MYBBP1A: variants seen among roughly 807,000 people sequenced by gnomAD.
MYBBP1A encodes the protein myb-binding protein 1A.
A neutral mutation model predicts 136.3 loss-of-function variants in MYBBP1A; 147 were observed. The ratio of observed to expected loss-of-function variants is 1.08; its 90% CI spans 0.94 to 1.24. The LOEUF (loss-of-function observed/expected upper bound fraction) is 1.24, where lower values mean the gene tolerates loss of function less well. MYBBP1A is among the 50% of genes most tolerant of loss of function. MYBBP1A has a pLI of 0.00. For synonymous variants in MYBBP1A, 947 were observed against 735.8 expected, an observed-to-expected ratio of 1.29 and a Z score of -4.65; for missense variants, 2,060 against 1,727.4, an observed-to-expected ratio of 1.19 and a Z score of -3.41.
At chr17:4,555,043 T>A (rs1413532104) in intron 1 of MYBBP1A, 84 bp downstream of exon 1, 1 of 1,586,126 alleles carries the variant, frequency 6.3e-7, no homozygotes, top group African/African-American at 1.3e-5. Flanking sequence ...CGCGACCACG[T>A]GCCCCCAGTC....
chr17:4,552,033 C>T lies in MYBBP1A; in HGVS notation c.906-36G>A. On this transcript the variant is annotated intron_variant, in intron 7 of 25. Coordinates refer to ENST00000254718, the MANE Select transcript of MYBBP1A (RefSeq NM_014520.4). This position sits in a 1 kb window ranked among gnomAD's most constrained non-coding sequence, Gnocchi z 4.7. ...TGCAGGACAGAGCCTGGTCAGAGCC[C>T]TTGGTGCCCCTGGTGGGAACCTCAG... 3.8e-6 allele frequency: 6 copies of T among 1,595,682 alleles called. No individual in the cohort carries two copies. Among genetic ancestry groups the T allele is most frequent in the Non-Finnish European group, 5.1e-6 (6 of 1,168,166 alleles).
intron 24 of MYBBP1A, among the ~76,000 whole-genome samples, chr17:4,540,818 C>T (rs1044397963): frequency 2.6e-5 from 4 of 151,882 alleles, no homozygotes; most frequent in Non-Finnish European, 5.9e-5. Flanking sequence ...CGCTTCCCCA[C>T]CCAACCCTGC....
intron 4 of MYBBP1A, 32 bp from the exon 5 acceptor site, chr17:4,553,949 C>T: frequency 6.2e-7 from 1 of 1,613,188 alleles, no homozygotes; most frequent in Non-Finnish European, 8.5e-7. Context: ...AGGGTATGAG[C>T]AGGGCACACG....
chr17:4,549,263 G>A (rs1907286017), intron 10 of MYBBP1A, 69 bp downstream of exon 10: 7 of 1,377,826 alleles, frequency 5.1e-6, no homozygotes, highest in African/African-American at 2.8e-5. Flanking sequence ...TGCAAACTAG[G>A]ACGAGTTAAG....
rs80113376 is a variant in MYBBP1A, at chr17:4,553,344, C to T, written c.561+466G>A. 2.4e-3 allele frequency among the ~76,000 whole-genome samples: 360 copies of T among 152,336 alleles called. 1 individual carries two copies. The highest frequency in any genetic ancestry group is 8.5e-3 in the African/African-American group (353 of 41,574). The stretch of plus-strand genomic sequence containing the variant: ...ACCTTCCCAAGTAGGGCAGTGGAGG[C>T]CCACAAGGGGCCAGCCTTGACCAGG... On this transcript the variant is annotated intron_variant, in intron 5 of 25. Transcript: ENST00000254718.
intron 8 of MYBBP1A, among the ~76,000 whole-genome samples, chr17:4,551,392 A>C (rs1907488607): frequency 6.6e-6 from 1 of 152,246 alleles, no homozygotes; most frequent in East Asian, 1.9e-4. Flanking sequence ...GCCTGCTGGC[A>C]GAAGGGCCTG....
chr17:4,544,994 C>CGGGGGG, intron 17 of MYBBP1A, 32 bp downstream of exon 17: 1 of 1,425,352 alleles, frequency 7.0e-7, no homozygotes, highest in Non-Finnish European at 9.3e-7. Flanking sequence ...GAGCCCTCCC[C>CGGGGGG]GGCCGCCCCC....
chr17:4,546,410 C>A lies in MYBBP1A; in HGVS notation c.1825-468G>T, dbSNP rs1296506456. On this transcript the variant is annotated intron_variant, in intron 13 of 25. Transcript: ENST00000254718. ...AAAGTGCTGGGATTGCAGGTGTGAGCCCCCGCGCCCAGCTAGCTGACGGCT... is the reference window on the plus strand; with the variant it reads ...AAAGTGCTGGGATTGCAGGTGTGAGACCCCGCGCCCAGCTAGCTGACGGCT... 3.9e-5 allele frequency among the ~76,000 whole-genome samples: 6 copies of A among 152,122 alleles called. No homozygotes were observed. The South Asian group carries it at 1.2e-3, about 32-fold the overall frequency.
At position 4,553,919 on chromosome 17, in the gene MYBBP1A, T is replaced by C; in HGVS notation, c.454-2A>G. ...CGACTTCATCAGTGCCTCCTGGTCC[T>C]GGTCCCCACAGAGGGACAGAGGGTA... On this transcript the variant is annotated splice_acceptor_variant, in intron 4 of 25. Coordinates refer to ENST00000254718, the MANE Select transcript of MYBBP1A (RefSeq NM_014520.4). LOFTEE classifies it high-confidence loss of function. 1 of 1,614,056 alleles carries C rather than the reference T, an allele frequency of 6.2e-7. No individual in the cohort carries two copies. Among genetic ancestry groups the C allele is most frequent in the East Asian group, 2.2e-5 (1 of 44,882 alleles).
intron 5 of MYBBP1A, among the ~76,000 whole-genome samples, chr17:4,553,424 C>A (rs1303069945): frequency 6.6e-6 from 1 of 152,266 alleles, no homozygotes; most frequent in African/African-American, 2.4e-5. Context: ...AGTTCCAGAG[C>A]TGCACTGCCC....
At chr17:4,551,824 G>A in intron 8 of MYBBP1A, 56 bp downstream of exon 8, 1 of 1,517,178 alleles carries the variant, frequency 6.6e-7, no homozygotes, top group Non-Finnish European at 9.1e-7. Context: ...TTTTTGGCAG[G>A]GAGAGCTCCA....
In MYBBP1A at chr17:4,543,038, G is replaced by C. The variant is rs547345127; in HGVS notation, c.2767C>G (p.His923Asp). The change falls in exon 20 of 26, where the codon CAC (histidine) becomes GAC (aspartate). Residue 923 changes from histidine (H) to aspartate (D), a missense_variant. Coordinates refer to ENST00000254718, the MANE Select transcript of MYBBP1A (RefSeq NM_014520.4). Reference protein sequence around the residue: ...RQPDSPTALYHFNASLYLLRV... With the variant: ...RQPDSPTALYDFNASLYLLRV... ...AGCAGGTAGAGAGAGGCGTTGAAGT[G>C]GTAGAGGGCGGTGGGGGAGTCGGGC... 30 of 1,613,718 alleles carry C rather than the reference G, an allele frequency of 1.9e-5. No homozygotes were observed. The South Asian group carries it at 3.3e-4, about 18-fold the overall frequency.
intron 22 of MYBBP1A, 44 bp from the exon 23 acceptor site, chr17:4,541,935 G>A: frequency 6.6e-7 from 1 of 1,526,586 alleles, no homozygotes; most frequent in Non-Finnish European, 9.0e-7. Context: ...TGGCACGTTG[G>A]GTGCTCACGG....
chr17:4,545,737 T>G lies in MYBBP1A; in HGVS notation c.1946A>C (p.Glu649Ala), dbSNP rs1017058640. The change falls in exon 15 of 26, where the codon GAG becomes GCG. Residue 649 changes from glutamate (E) to alanine (A), a missense_variant. Glu to Ala is a moderately radical substitution (Grantham distance 107). Coordinates refer to ENST00000254718, the MANE Select transcript of MYBBP1A (RefSeq NM_014520.4). ...GGCCAGCAAGATCTCCACCAGCACCTCTACCCACGGGGGTTCCTGGGGGTC... is the reference window on the plus strand; with the variant it reads ...GGCCAGCAAGATCTCCACCAGCACCGCTACCCACGGGGGTTCCTGGGGGTC... ...TIDPQEPPWV[E>A]VLVEILLALL... 3 of 1,608,436 alleles carry G rather than the reference T, an allele frequency of 1.9e-6. No homozygotes were observed. The highest frequency in any genetic ancestry group is 2.2e-5 in the South Asian group (2 of 90,668).
chr17:4,539,344 TAAAAAA>T lies in MYBBP1A; in HGVS notation c.*65_*70del, dbSNP rs372363229. On this transcript the variant is annotated 3_prime_UTR_variant, in exon 26 of 26. Coordinates refer to ENST00000254718, the MANE Select transcript of MYBBP1A (RefSeq NM_014520.4). ...CAGCTTGCGTATTAAAATCATGGTT[TAAAAAA>T]AAAAAAAAAAAATAGGCGTCTCAGG... The T allele has an allele frequency of 6.8e-5, 95 of 1,402,348 alleles. 1 individual carries two copies. The South Asian group carries it at 9.7e-4, about 14-fold the overall frequency. The allele number at this position is 1,402,348 out of a possible 1,614,324, so 86.9% of individuals were successfully genotyped here. A position where few individuals can be genotyped will look rare whatever the true frequency, so the allele number is the denominator to read the frequency against.
chr17:4,539,836 C>A lies in MYBBP1A; in HGVS notation c.3566G>T (p.Gly1189Val). Reference sequence around the variant, plus strand: ...AGGTGTGCCATCCTCCGCTGGCGTGCCATCCTCTGACTTGCGTTTCTTGCG... The same window carrying A: ...AGGTGTGCCATCCTCCGCTGGCGTGACATCCTCTGACTTGCGTTTCTTGCG... ...KKRKKRKSED[G>V]TPAEDGTPAA... Residue 1189 changes from glycine to valine, a missense_variant, in exon 26 of 26, where the codon GGC (glycine) becomes GTC (valine). By Grantham distance (109) the Gly-to-Val change is moderately radical. Transcript: ENST00000254718. The A allele has an allele frequency of 6.2e-7, 1 of 1,609,954 alleles. No homozygotes were observed.
At position 4,542,510 on chromosome 17, in the gene MYBBP1A, G is replaced by C. The variant is rs1241221242; in HGVS notation, c.3041C>G (p.Pro1014Arg). 1 of 1,612,338 alleles carries C rather than the reference G, an allele frequency of 6.2e-7. No individual in the cohort carries two copies. Among genetic ancestry groups the C allele is most frequent in the African/African-American group, 1.3e-5 (1 of 74,898 alleles). ...GCCCGTGATATGCTGGACCAGGATG[G>C]GGAGCAGGCTCTGACAGAGCACCTG... ...RHPVLCQSLL[P>R]ILVQHITGPV... The change falls in exon 22 of 26, where the codon CCC (proline) becomes CGC (arginine). Residue 1014 changes from proline (P) to arginine (R), a missense_variant. Pro to Arg is a moderately radical substitution (Grantham distance 103, BLOSUM62 -2). Coordinates refer to ENST00000254718, the MANE Select transcript of MYBBP1A (RefSeq NM_014520.4).
rs1906860119 is a variant in MYBBP1A at position 4,545,015 on chromosome 17, C to A, written c.2310+11G>T. The A allele has an allele frequency of 6.6e-6, 10 of 1,510,472 alleles. No homozygotes were observed. Among genetic ancestry groups the A allele is most frequent in the African/African-American group, 1.4e-5 (1 of 71,316 alleles). The allele number at this position is 1,510,472 out of a possible 1,614,324, so 93.6% of individuals were successfully genotyped here. On this transcript the variant is annotated intron_variant, in intron 17 of 25. Coordinates refer to ENST00000254718, the MANE Select transcript of MYBBP1A (RefSeq NM_014520.4). ...TCCCCGGCCGCCCCCCCCTCCACCT[C>A]CCCCACTCACCAGCGCCTTCCCAGC...
At position 4,539,202 on chromosome 17, in the gene MYBBP1A, G is replaced by A. The variant is rs914727211; in HGVS notation, c.*213C>T. On this transcript the variant is annotated 3_prime_UTR_variant, in exon 26 of 26. Transcript: ENST00000254718. ...CCAGGGTCCCAGCCCAGAACCGGGG[G>A]TGGGGAGGTCTCTGCACCCTGGGAC... 1.4e-6 allele frequency: 2 copies of A among 1,453,932 alleles called. No individual in the cohort carries two copies. Among genetic ancestry groups the A allele is most frequent in the South Asian group, 1.5e-5 (1 of 68,676 alleles). The allele number at this position is 1,453,932 out of a possible 1,614,324, so 90.1% of individuals were successfully genotyped here.
Sources: gnomAD v4.1 joint callset for allele counts (sites outside exome capture counted in the v4.1 genomes callset) on GRCh38, gnomAD v4.1.1 for gene constraint, Gnocchi (gnomAD v3.1) non-coding constraint, MANE v1.5 for transcripts, NCBI Gene and HGNC (gene_info 2026-07-23, HGNC 2026-07-21) for gene names.